Variants in MDN1 observed in about 807,000 individuals in gnomAD.
MDN1 encodes midasin.
Under a neutral mutation model 669.2 loss-of-function variants are expected in MDN1, and 266 were observed. The ratio of observed to expected loss-of-function variants is 0.40; its 90% CI spans 0.36 to 0.44. The LOEUF (loss-of-function observed/expected upper bound fraction) is 0.44, where lower values mean the gene tolerates loss of function less well. Ranked by LOEUF, MDN1 falls within the 20% of genes least tolerant of loss-of-function variation. The pLI is 1.00. For missense variants in MDN1, 5,940 were observed against 6,754.0 expected (o/e 0.88, Z 4.22); for synonymous variants, 2,385 against 2,457.1 (o/e 0.97, Z 0.87).
At chr6:89,693,500 G>A (rs1002833786) in intron 62 of MDN1, among the ~76,000 whole-genome samples, 1 of 152,072 alleles carries the variant, frequency 6.6e-6, no homozygotes, top group Non-Finnish European at 1.5e-5. Context: ...GTCAGGAGTA[G>A]GACTGGAACT....
In MDN1 at chr6:89,650,725, G is replaced by A. The variant is rs368019786; in HGVS notation, c.16031+7C>T. The A allele has an allele frequency of 1.4e-4, 232 of 1,610,908 alleles. No individual in the cohort carries two copies. The highest frequency in any genetic ancestry group is 1.9e-4 in the Non-Finnish European group (225 of 1,177,492). ...CACTGTGAGGCCTTCCAGAGGGGAAGACTTACTTCAGCTTGGCTGCCTGGG... is the reference window on the plus strand; with the variant it reads ...CACTGTGAGGCCTTCCAGAGGGGAAAACTTACTTCAGCTTGGCTGCCTGGG... On this transcript the variant is annotated splice_region_variant and intron_variant, in intron 96 of 101. Coordinates refer to ENST00000369393, the MANE Select transcript of MDN1 (RefSeq NM_014611.3).
At chr6:89,742,471 C>G (rs1162048004) in intron 31 of MDN1, among the ~76,000 whole-genome samples, 4 of 152,148 alleles carry the variant, frequency 2.6e-5, no homozygotes, top group African/African-American at 9.7e-5. Context: ...GTAATAAACT[C>G]CTGTCCTTCC....
chr6:89,669,680 A>T (rs1289634652), intron 83 of MDN1, among the ~76,000 whole-genome samples: 1 of 152,204 alleles, frequency 6.6e-6, no homozygotes, highest in Admixed American at 6.5e-5. Context: ...ACAAAAATGC[A>T]TATTAGTATA....
At chr6:89,702,598 G>C (rs1196777022) in intron 53 of MDN1, among the ~76,000 whole-genome samples, 2 of 152,208 alleles carry the variant, frequency 1.3e-5, no homozygotes, top group Non-Finnish European at 2.9e-5. Flanking sequence ...CTTCCAAGAA[G>C]ATATTCTATT....
intron 1 of MDN1, among the ~76,000 whole-genome samples, chr6:89,810,512 C>T (rs1223723821): frequency 1.3e-5 from 2 of 152,034 alleles, no homozygotes; most frequent in South Asian, 2.1e-4. Flanking sequence ...TTTGGAAGTC[C>T]AAGATCAGGG....
At chr6:89,658,415 C>G (rs770271398) in intron 89 of MDN1, 45 bp from the exon 90 acceptor site, 3 of 1,611,322 alleles carry the variant, frequency 1.9e-6, no homozygotes, top group Non-Finnish European at 8.5e-7. Context: ...TCTGGGGGAA[C>G]AGCATAAGGT....
At chr6:89,743,377 C>G in intron 30 of MDN1, 97 bp from the exon 31 acceptor site, 3 of 1,491,770 alleles carry the variant, frequency 2.0e-6, no homozygotes, top group Non-Finnish European at 2.8e-6. Flanking sequence ...AGTAGGCATT[C>G]TGAGGAAAGT....
chr6:89,652,704 A>G (rs980308009), intron 94 of MDN1, among the ~76,000 whole-genome samples: 1 of 152,212 alleles, frequency 6.6e-6, no homozygotes, highest in African/African-American at 2.4e-5. Context: ...TTACACAAGG[A>G]TGGTTAGAAA....
At chr6:89,752,621 C>T (rs777245930) in intron 22 of MDN1, among the ~76,000 whole-genome samples, 5 of 152,056 alleles carry the variant, frequency 3.3e-5, no homozygotes, top group Non-Finnish European at 7.3e-5. Context: ...TAACAGTGCC[C>T]CCACTACTGC....
intron 23 of MDN1, 128 bp downstream of exon 23, chr6:89,751,303 G>A (rs954127688): frequency 1.2e-5 from 15 of 1,215,096 alleles, no homozygotes; most frequent in Admixed American, 2.8e-5. Context: ...ACTGACTTTT[G>A]TAAGTAATTG....
intron 12 of MDN1, among the ~76,000 whole-genome samples, chr6:89,775,469 G>T (rs1205653198): frequency 6.6e-6 from 1 of 152,108 alleles, no homozygotes; most frequent in Non-Finnish European, 1.5e-5. Context: ...ATCTTTTAGA[G>T]TCATTATTCA....
intron 95 of MDN1, among the ~76,000 whole-genome samples, 178 bp downstream of exon 95, chr6:89,652,014 C>T (rs1808908380): frequency 6.6e-6 from 1 of 152,154 alleles, no homozygotes; most frequent in African/African-American, 2.4e-5. Flanking sequence ...GATCTAACAG[C>T]AAAGCAGCCA....
At chr6:89,691,420 T>C (rs974162321) in intron 63 of MDN1, among the ~76,000 whole-genome samples, 1 of 152,228 alleles carries the variant, frequency 6.6e-6, no homozygotes, top group Non-Finnish European at 1.5e-5. Flanking sequence ...TCTAGGAAGG[T>C]AATTTGCATG....
At chr6:89,785,396 G>A (rs937890139) in intron 8 of MDN1, among the ~76,000 whole-genome samples, 4 of 152,206 alleles carry the variant, frequency 2.6e-5, no homozygotes, top group African/African-American at 9.6e-5. Flanking sequence ...CAAGGTAAAT[G>A]TTTTTATTTC....
chr6:89,704,680 G>A (rs890675367), intron 53 of MDN1, among the ~76,000 whole-genome samples: 1 of 152,116 alleles, frequency 6.6e-6, no homozygotes, highest in African/African-American at 2.4e-5. Flanking sequence ...TCTGCCTCCT[G>A]GGTTCAAGCG....
chr6:89,809,001 A>G (rs1768193142), intron 1 of MDN1, among the ~76,000 whole-genome samples: 1 of 150,960 alleles, frequency 6.6e-6, no homozygotes, highest in East Asian at 2.0e-4. Context: ...AGGATCACCT[A>G]AGCTCAGGAG....
intron 29 of MDN1, 21 bp downstream of exon 29, chr6:89,745,252 G>A (rs754480765): frequency 6.2e-7 from 1 of 1,612,946 alleles, no homozygotes; most frequent in African/African-American, 1.3e-5. Context: ...ACCCTCATGA[G>A]TCACTGTCAC....
chr6:89,809,993 TAAAAAAAAAAAAAAAAAAA>T (rs61558155), intron 1 of MDN1, among the ~76,000 whole-genome samples: 1 of 52,840 alleles, frequency 1.9e-5, no homozygotes, highest in Non-Finnish European at 3.2e-5. Flanking sequence ...TCCGTTTCAC[TAAAAAAAAAAAAAAAAAAA>T]AAAAAAAAAA....
chr6:89,816,285 G>A (rs769545993), intron 1 of MDN1, among the ~76,000 whole-genome samples: 10 of 151,942 alleles, frequency 6.6e-5, no homozygotes, highest in Middle Eastern at 3.4e-3. Flanking sequence ...CTGTAATCCC[G>A]GCTACTCGAG....
Sources: gnomAD v4.1 joint callset for allele counts (sites outside exome capture counted in the v4.1 genomes callset) on GRCh38, gnomAD v4.1.1 for gene constraint, MANE v1.5 for transcripts, NCBI Gene and HGNC (gene_info 2026-07-23, HGNC 2026-07-21) for gene names.